The following TMT1A variants were observed in gnomAD, a reference collection of about 807,000 sequenced individuals.
TMT1A encodes thiol S-methyltransferase TMT1A.
the TMT1A span, chr12:50,932,393 G>C: frequency 2.0e-5 from 3 of 152,130 alleles, no homozygotes; most frequent in Non-Finnish European, 4.4e-5. Flanking sequence ...AATATTTTCT[G>C]CAATGGTTTG....
chr12:50,925,045 C>CT, the TMT1A span: 7 of 1,613,886 alleles, frequency 4.3e-6, no homozygotes, highest in Non-Finnish European at 5.1e-6. Flanking sequence ...AGCAATGGAG[C>CT]TTACCATCTT....
the TMT1A span, among the ~76,000 whole-genome samples, chr12:50,927,436 T>C: frequency 6.6e-6 from 1 of 152,092 alleles, no homozygotes; most frequent in Admixed American, 6.5e-5. Context: ...GAGTAGTAAA[T>C]AAAAAAGGAC....
chr12:50,927,812 T>C, the TMT1A span, among the ~76,000 whole-genome samples: 167 of 152,342 alleles, frequency 1.1e-3, 1 homozygote, highest in African/African-American at 3.8e-3. Flanking sequence ...CATGGCTCTC[T>C]TTAATGCAAA....
the TMT1A span, among the ~76,000 whole-genome samples, chr12:50,929,226 C>T: frequency 2.6e-5 from 4 of 152,094 alleles, no homozygotes. Context: ...CAGAGCCAGG[C>T]CCTGTCTCAA....
chr12:50,930,861 CG>C, the TMT1A span: 1 of 152,224 alleles, frequency 6.6e-6, no homozygotes, highest in Non-Finnish European at 1.5e-5. Context: ...TGATTACAGA[CG>C]TCAGCCACCA....
chr12:50,925,575 C>A, the TMT1A span: 1 of 1,589,130 alleles, frequency 6.3e-7, no homozygotes, highest in Non-Finnish European at 8.6e-7. Context: ...TTAGTAGCAG[C>A]TATTATCATA....
chr12:50,925,309 G>A, the TMT1A span: 1 of 1,614,206 alleles, frequency 6.2e-7, no homozygotes, highest in East Asian at 2.2e-5. Context: ...CTACCCACCT[G>A]GGTGCAGGGT....
At chr12:50,929,897 T>TC in the TMT1A span, 1 of 1,553,642 alleles carries the variant, frequency 6.4e-7, no homozygotes, top group Admixed American at 2.1e-5. Context: ...ATGTTTTTTT[T>TC]TTTCTTTCTT....
At chr12:50,928,967 GT>G in the TMT1A span, among the ~76,000 whole-genome samples, 1 of 152,046 alleles carries the variant, frequency 6.6e-6, no homozygotes, top group East Asian at 1.9e-4. Flanking sequence ...GCCGGGCACG[GT>G]AGCTCACGCC....
chr12:50,926,477 T>C, the TMT1A span, among the ~76,000 whole-genome samples: 1 of 152,188 alleles, frequency 6.6e-6, no homozygotes, highest in Non-Finnish European at 1.5e-5. Flanking sequence ...AACTTGTCCA[T>C]ACACAAGAAT....
At chr12:50,927,981 C>T in the TMT1A span, among the ~76,000 whole-genome samples, 11 of 152,260 alleles carry the variant, frequency 7.2e-5, no homozygotes, top group South Asian at 2.1e-3. Flanking sequence ...CATGCTACCA[C>T]GCCTGGCTAA....
chr12:50,929,918 G>C, the TMT1A span: 1 of 1,595,136 alleles, frequency 6.3e-7, no homozygotes, highest in Non-Finnish European at 8.6e-7. Flanking sequence ...TCTCAGGGAG[G>C]GGCTTTCTAT....
chr12:50,925,487 T>C, the TMT1A span: 2 of 1,614,090 alleles, frequency 1.2e-6, no homozygotes, highest in South Asian at 1.1e-5. Context: ...CTGTGCTCTG[T>C]GAAGAACCAG....
At chr12:50,928,424 G>C in the TMT1A span, among the ~76,000 whole-genome samples, 1 of 152,162 alleles carries the variant, frequency 6.6e-6, no homozygotes, top group Admixed American at 6.5e-5. Context: ...ACAGGTTGCT[G>C]GTTGCCCCCT....
chr12:50,927,873 G>T, the TMT1A span, among the ~76,000 whole-genome samples: 1 of 151,950 alleles, frequency 6.6e-6, no homozygotes, highest in African/African-American at 2.4e-5. Context: ...CGCCCAGGCT[G>T]GTGTACAGTG....
the TMT1A span, among the ~76,000 whole-genome samples, chr12:50,927,270 GC>G: frequency 6.6e-6 from 1 of 152,146 alleles, no homozygotes; most frequent in South Asian, 2.1e-4. Context: ...CAAGTGGTCT[GC>G]CCACTTTGGC....
chr12:50,925,338 C>T, the TMT1A span: 16 of 1,614,084 alleles, frequency 9.9e-6, no homozygotes, highest in Non-Finnish European at 1.3e-5. Flanking sequence ...TTGACCCCAA[C>T]CCCAACTTTG....
At chr12:50,925,707 G>C in the TMT1A span, among the ~76,000 whole-genome samples, 17 of 152,134 alleles carry the variant, frequency 1.1e-4, no homozygotes, top group African/African-American at 3.9e-4. Context: ...GAGAAAGATT[G>C]ATAAATCTGA....
the TMT1A span, among the ~76,000 whole-genome samples, chr12:50,926,280 G>C: frequency 6.6e-6 from 1 of 152,104 alleles, no homozygotes; most frequent in African/African-American, 2.4e-5. Context: ...CAAACTTAAA[G>C]AGTTAATTAA....
Sources: gnomAD v4.1 joint callset for allele counts (sites outside exome capture counted in the v4.1 genomes callset) on GRCh38, gnomAD v4.1.1 for gene constraint, MANE v1.5 for transcripts, NCBI Gene and HGNC (gene_info 2026-07-23, HGNC 2026-07-21) for gene names.